NELL1: variants seen among roughly 807,000 people sequenced by gnomAD.
NELL1 encodes the protein protein kinase C-binding protein NELL1.
NELL1 carries 76 observed loss-of-function variants against 107.4 expected under a neutral mutation model. The observed-to-expected ratio is 0.71, with a 90% CI of 0.59 to 0.86. NELL1 has a LOEUF of 0.86. NELL1 is among the 40% of genes least tolerant of loss of function. NELL1 has a pLI of 0.00. For synonymous variants in NELL1, 353 were observed against 341.2 expected (o/e 1.03, Z -0.38); for missense variants, 1,024 against 1,005.5 (o/e 1.02, Z -0.25).
intron 14 of NELL1, among the ~76,000 whole-genome samples, chr11:21,292,992 A>G (rs201888389): frequency 6.6e-6 from 1 of 152,240 alleles, no homozygotes; most frequent in African/African-American, 2.4e-5. Context: ...AAACCTAGGC[A>G]ATACCATTCA....
At chr11:20,921,370 T>C (rs1029898712) in intron 7 of NELL1, among the ~76,000 whole-genome samples, 8 of 152,122 alleles carry the variant, frequency 5.3e-5, no homozygotes, top group African/African-American at 1.9e-4. Context: ...TGAGCTTGCT[T>C]TAATTCATTA....
At chr11:21,236,919 G>C (rs1858222303) in intron 14 of NELL1, among the ~76,000 whole-genome samples, 1 of 152,116 alleles carries the variant, frequency 6.6e-6, no homozygotes, top group Non-Finnish European at 1.5e-5. Context: ...TTTGAAGAAA[G>C]GCTAATGTAA....
intron 15 of NELL1, among the ~76,000 whole-genome samples, chr11:21,448,864 A>G (rs1199479117): frequency 6.6e-6 from 1 of 152,150 alleles, no homozygotes; most frequent in Non-Finnish European, 1.5e-5. Context: ...ATTATTCTAG[A>G]TTGTATATGT....
At chr11:21,082,642 C>T (rs1854295916) in intron 12 of NELL1, among the ~76,000 whole-genome samples, 1 of 152,188 alleles carries the variant, frequency 6.6e-6, no homozygotes, top group African/African-American at 2.4e-5. Flanking sequence ...ATTTGAAAGC[C>T]TCTAGGATCT....
chr11:21,192,110 A>G (rs1857062436), intron 13 of NELL1, among the ~76,000 whole-genome samples: 1 of 151,892 alleles, frequency 6.6e-6, no homozygotes, highest in Admixed American at 6.6e-5. Flanking sequence ...CTTATGTGGT[A>G]ATAATTATGG....
chr11:21,570,967 T>G (rs373550129), intron 18 of NELL1, 27 bp downstream of exon 18: 183 of 1,600,558 alleles, frequency 1.1e-4, no homozygotes, highest in Non-Finnish European at 1.5e-4. Context: ...TATAAGGTGT[T>G]GAGCCTTTAC....
At chr11:21,141,698 A>G (rs1330095188) in intron 13 of NELL1, among the ~76,000 whole-genome samples, 1 of 152,112 alleles carries the variant, frequency 6.6e-6, no homozygotes, top group Non-Finnish European at 1.5e-5. Flanking sequence ...AACGCAGAGA[A>G]CAGTGGTATT....
chr11:21,441,194 T>C (rs1298517321), intron 15 of NELL1, among the ~76,000 whole-genome samples: 2 of 152,126 alleles, frequency 1.3e-5, no homozygotes, highest in African/African-American at 4.8e-5. Context: ...ACTTTGGCTG[T>C]CTTTATTTCT....
chr11:20,736,408 C>T (rs920864570), intron 2 of NELL1, among the ~76,000 whole-genome samples: 9 of 152,124 alleles, frequency 5.9e-5, no homozygotes, highest in Non-Finnish European at 1.2e-4. Flanking sequence ...GCATAGATGC[C>T]TACGCTGCCC....
At chr11:21,363,612 A>C (rs921667384) in intron 14 of NELL1, among the ~76,000 whole-genome samples, 1 of 152,168 alleles carries the variant, frequency 6.6e-6, no homozygotes, top group Non-Finnish European at 1.5e-5. Context: ...TTTGTCTCCT[A>C]TCCGCCATCT....
intron 12 of NELL1, among the ~76,000 whole-genome samples, chr11:21,018,185 G>A (rs1481142147): frequency 1.3e-5 from 2 of 152,100 alleles, no homozygotes; most frequent in Non-Finnish European, 2.9e-5. Context: ...GGATGTTTGG[G>A]AAGAGAATCC....
chr11:20,891,787 G>A (rs956062783), intron 5 of NELL1, among the ~76,000 whole-genome samples: 21 of 152,130 alleles, frequency 1.4e-4, no homozygotes, highest in African/African-American at 5.1e-4. Context: ...TAATGGTAAA[G>A]GGATCAATTC....
At chr11:20,959,431 CATCA>C (rs1352812096) in intron 11 of NELL1, among the ~76,000 whole-genome samples, 1 of 152,152 alleles carries the variant, frequency 6.6e-6, no homozygotes, top group Non-Finnish European at 1.5e-5. Flanking sequence ...CCCAAATGCC[CATCA>C]ATCAGAGTGG....
chr11:20,680,083 G>A (rs754810528), intron 2 of NELL1, among the ~76,000 whole-genome samples: 9 of 152,048 alleles, frequency 5.9e-5, no homozygotes, highest in Non-Finnish European at 8.8e-5. Context: ...GACAGAGAAG[G>A]CCTTTCGCTT....
At chr11:21,273,003 C>T (rs996370033) in intron 14 of NELL1, among the ~76,000 whole-genome samples, 1 of 152,204 alleles carries the variant, frequency 6.6e-6, no homozygotes, top group South Asian at 2.1e-4. Context: ...CACCTCTTCT[C>T]CTCCAAAGGA....
intron 15 of NELL1, among the ~76,000 whole-genome samples, chr11:21,453,829 T>TTTTTTTTTTA: frequency 6.6e-6 from 1 of 151,686 alleles, no homozygotes; most frequent in African/African-American, 2.4e-5. Context: ...TTTTAGATTT[T>TTTTTTTTTTA]GTGCCAGGGT....
chr11:21,362,370 T>C (rs1480546617), intron 14 of NELL1, among the ~76,000 whole-genome samples: 2 of 152,200 alleles, frequency 1.3e-5, no homozygotes, highest in African/African-American at 4.8e-5. Flanking sequence ...CAGCCATGGA[T>C]ACCAGCACCT....
intron 13 of NELL1, among the ~76,000 whole-genome samples, chr11:21,200,010 G>A (rs1857233049): frequency 6.6e-6 from 1 of 152,160 alleles, no homozygotes; most frequent in Non-Finnish European, 1.5e-5. Flanking sequence ...ATTCCATGGT[G>A]TATATGTGTC....
chr11:21,314,271 A>T (rs1388460051), intron 14 of NELL1, among the ~76,000 whole-genome samples: 1 of 152,116 alleles, frequency 6.6e-6, no homozygotes, highest in Non-Finnish European at 1.5e-5. Context: ...CCCCACTTCC[A>T]ATACTGTTAC....
Sources: gnomAD v4.1 joint callset for allele counts (sites outside exome capture counted in the v4.1 genomes callset) on GRCh38, gnomAD v4.1.1 for gene constraint, MANE v1.5 for transcripts, NCBI Gene and HGNC (gene_info 2026-07-23, HGNC 2026-07-21) for gene names.